The following TTC28 variants were observed in gnomAD, a reference collection of about 807,000 sequenced individuals.
TTC28 encodes the protein tetratricopeptide repeat domain 28.
In TTC28, 61 loss-of-function variants were observed where a neutral mutation model predicts 198.0. The observed-to-expected ratio is 0.31, with a 90% confidence interval of 0.25 to 0.38. The LOEUF (loss-of-function observed/expected upper bound fraction) is 0.38. Ranked by LOEUF, TTC28 falls within the 10% of genes least tolerant of loss-of-function variation. TTC28 has a pLI of 1.00. For missense variants in TTC28, 2,678 were observed against 3,164.0 expected (o/e 0.85, Z 3.69); for synonymous variants, 1,171 against 1,297.8 (o/e 0.90, Z 2.10).
At position 28,146,385 on chromosome 22, in the gene TTC28, A is replaced by C. The variant is rs530425730; in HGVS notation, c.1441+16707T>G. On this transcript the variant is annotated intron_variant, in intron 6 of 22. Transcript: ENST00000397906. ...CCTCTGTCCCATGCACAGTTGTGTG[A>C]GTTCTTCACTGACGAACTGACACAA... 2.8e-4 allele frequency among the ~76,000 whole-genome samples: 42 copies of C among 152,346 alleles called. 2 individuals carry two copies. The South Asian group carries it at 8.5e-3, about 31-fold the overall frequency.
intron 5 of TTC28, among the ~76,000 whole-genome samples, chr22:28,190,801 A>C (rs1327643134): frequency 6.6e-6 from 1 of 152,190 alleles, no homozygotes; most frequent in Non-Finnish European, 1.5e-5. Flanking sequence ...CTTCTGCAGT[A>C]CTGCCTGGTT....
chr22:28,271,464 G>A (rs1212089834), intron 5 of TTC28, among the ~76,000 whole-genome samples: 1 of 152,106 alleles, frequency 6.6e-6, no homozygotes, highest in Non-Finnish European at 1.5e-5. Flanking sequence ...TGTATGGTTT[G>A]GCTGTGTCCC....
rs148069176 is a variant in TTC28 at position 28,138,914 on chromosome 22, A to C, written c.1441+24178T>G. On this transcript the variant is annotated intron_variant, in intron 6 of 22. Coordinates refer to ENST00000397906, the MANE Select transcript of TTC28 (RefSeq NM_001145418.2). ...ACAGTTCAAGTGAATAGAGAATAAC[A>C]ATGACCACTAGTTCTCAAAATACAG... 5.0e-4 allele frequency among the ~76,000 whole-genome samples: 76 copies of C among 152,342 alleles called. 1 individual carries two copies. In the East Asian group the frequency reaches 0.013, roughly 26 times the overall value.
chr22:28,079,763 C>A (rs1941278577), intron 12 of TTC28, among the ~76,000 whole-genome samples: 1 of 152,192 alleles, frequency 6.6e-6, no homozygotes, highest in African/African-American at 2.4e-5. Context: ...GAGTCTCGCT[C>A]TGTCACCTAG....
intron 2 of TTC28, among the ~76,000 whole-genome samples, chr22:28,591,211 T>A (rs1278844702): frequency 1.3e-5 from 2 of 150,536 alleles, no homozygotes; most frequent in African/African-American, 2.4e-5. Flanking sequence ...CAGGCTCAAG[T>A]GATCCTCCTA....
chr22:28,358,682 A>T (rs998710296), intron 2 of TTC28, among the ~76,000 whole-genome samples: 11 of 152,150 alleles, frequency 7.2e-5, no homozygotes, highest in Non-Finnish European at 1.5e-4. Flanking sequence ...TCATTCTTCT[A>T]CTTAGTAGAT....
intron 2 of TTC28, among the ~76,000 whole-genome samples, chr22:28,388,187 C>G (rs2046648170): frequency 6.6e-6 from 1 of 152,194 alleles, no homozygotes; most frequent in South Asian, 2.1e-4. Context: ...GGGCTCTATT[C>G]TGTTCCATTG....
chr22:28,495,365 T>C (rs1256934984), intron 2 of TTC28, among the ~76,000 whole-genome samples: 2 of 152,154 alleles, frequency 1.3e-5, no homozygotes, highest in African/African-American at 4.8e-5. Context: ...GATTTTAAAG[T>C]GCATCAGAAT....
rs56185522 is a variant in TTC28, at chr22:28,141,666, C to T, written c.1441+21426G>A. On this transcript the variant is annotated intron_variant, in intron 6 of 22. Transcript: ENST00000397906. ...CTGAAGGAACCCTTTACAACTGTAG[C>T]AGTGTGCTCTTTTTCACACTCACAA... Among the ~76,000 whole-genome samples the T allele has an allele frequency of 8.0e-3, 1,221 of 152,242 alleles. 19 individuals are homozygous for T. Among genetic ancestry groups the T allele is most frequent in the African/African-American group, 0.028 (1,162 of 41,538 alleles).
intron 16 of TTC28, chr22:27,996,568 G>A (rs1035897073): frequency 6.1e-6 from 2 of 325,586 alleles, no homozygotes; most frequent in Non-Finnish European, 1.2e-5. Context: ...ATTCATCTTT[G>A]TCTATCCTTA....
At chr22:28,076,683 C>A (rs560554081) in intron 12 of TTC28, among the ~76,000 whole-genome samples, 1 of 152,112 alleles carries the variant, frequency 6.6e-6, no homozygotes, top group South Asian at 2.1e-4. Context: ...ATCAAGTGAC[C>A]CTCCCACCTT....
At chr22:28,403,396 G>C (rs1601347425) in intron 2 of TTC28, among the ~76,000 whole-genome samples, 1 of 152,292 alleles carries the variant, frequency 6.6e-6, no homozygotes, top group East Asian at 1.9e-4. Flanking sequence ...TTAGAGAATG[G>C]GCAGGTGGAT....
At chr22:28,538,819 C>T in intron 2 of TTC28, among the ~76,000 whole-genome samples, 1 of 152,156 alleles carries the variant, frequency 6.6e-6, no homozygotes, top group Admixed American at 6.5e-5. Context: ...GCCTCGGCCT[C>T]CCAAAGTGCT....
chr22:28,056,640 C>T (rs182537354), intron 12 of TTC28, among the ~76,000 whole-genome samples: 4 of 152,010 alleles, frequency 2.6e-5, no homozygotes, highest in Admixed American at 2.6e-4. Context: ...AATTTATATA[C>T]AATAAAAAAT....
chr22:28,043,242 C>CAAAAAAAAAAA lies in TTC28; in HGVS notation c.3933-12887_3933-12877dup, dbSNP rs11362041. On this transcript the variant is annotated intron_variant, in intron 12 of 22. Coordinates refer to ENST00000397906, the MANE Select transcript of TTC28 (RefSeq NM_001145418.2). ...TGCATAACAGAGTAAGACTCCATCT[C>CAAAAAAAAAAA]AAAAAAAAAAAAAAAAAAAAAAAAA... Among the ~76,000 whole-genome samples, 80 of 65,574 alleles carry CAAAAAAAAAAA rather than the reference C, an allele frequency of 1.2e-3. 10 individuals are homozygous for CAAAAAAAAAAA. Among genetic ancestry groups the CAAAAAAAAAAA allele is most frequent in the African/African-American group, 3.2e-3 (53 of 16,418 alleles). 43.0% of individuals were successfully genotyped at this position (65,574 alleles called of 152,430 possible).
intron 5 of TTC28, among the ~76,000 whole-genome samples, chr22:28,250,396 A>C (rs1228900977): frequency 1.3e-5 from 2 of 152,200 alleles, no homozygotes; most frequent in African/African-American, 4.8e-5. Flanking sequence ...GGATTATTAT[A>C]ATTTAAATAC....
chr22:28,489,174 C>CT (rs2048345574), intron 2 of TTC28, among the ~76,000 whole-genome samples: 1 of 152,040 alleles, frequency 6.6e-6, no homozygotes, highest in Admixed American at 6.6e-5. Context: ...GTCCCAGCTA[C>CT]TCATGAGGCT....
rs139451473 is a variant in TTC28 at position 28,013,627 on chromosome 22, C to A, written c.4218+621G>T. Among the ~76,000 whole-genome samples the A allele has an allele frequency of 5.3e-5, 8 of 152,302 alleles. No homozygotes were observed. The East Asian group carries it at 1.4e-3, about 26-fold the overall frequency. The stretch of plus-strand genomic sequence containing the variant: ...ATCTCACCAGAAAGCATAGCCCTGG[C>A]TCGAAGTTGCTCAGACAAGATTCTA... On this transcript the variant is annotated intron_variant, in intron 14 of 22. Transcript: ENST00000397906.
intron 6 of TTC28, among the ~76,000 whole-genome samples, chr22:28,159,517 G>T (rs552176462): frequency 6.6e-6 from 1 of 152,100 alleles, no homozygotes; most frequent in South Asian, 2.1e-4. Context: ...TTAGCTGGGC[G>T]TGGTGGCGTG....
Sources: gnomAD v4.1 joint callset for allele counts (sites outside exome capture counted in the v4.1 genomes callset) on GRCh38, gnomAD v4.1.1 for gene constraint, MANE v1.5 for transcripts, NCBI Gene and HGNC (gene_info 2026-07-23, HGNC 2026-07-21) for gene names.